Variants in PIWIL2 observed in about 807,000 individuals in gnomAD.
PIWIL2 encodes piwi-like protein 2.
Under a neutral mutation model 116.5 loss-of-function variants are expected in PIWIL2, and 81 were observed. The ratio of observed to expected loss-of-function variants is 0.70; its 90% CI spans 0.58 to 0.84. The LOEUF (loss-of-function observed/expected upper bound fraction) is 0.84. Among genes scored for constraint, PIWIL2 ranks in the 40% least tolerant of loss-of-function variants. The pLI, the probability that PIWIL2 is intolerant of heterozygous loss-of-function variation, is 0.00. For synonymous variants in PIWIL2, 489 were observed against 429.5 expected, an observed-to-expected ratio of 1.14 and a Z score of -1.71; for missense variants, 1,272 against 1,212.3, an observed-to-expected ratio of 1.05 and a Z score of -0.73.
rs542934036 is a variant in PIWIL2 at position 22,355,802 on chromosome 8, G to A, written c.*297G>A. ...CCATTAAGACCTCCAGACCGGGTGC[G>A]GTGGTTCACACCTGTAATCCAAGCA... On this transcript the variant is annotated 3_prime_UTR_variant, in exon 23 of 23. Transcript: ENST00000356766. The A allele has an allele frequency of 3.5e-5, 12 of 344,118 alleles. No individual in the cohort carries two copies. Among genetic ancestry groups the A allele is most frequent in the South Asian group, 6.9e-5 (2 of 29,152 alleles). The allele number at this position is 344,118 out of a possible 1,614,324, so 21.3% of individuals were successfully genotyped here.
chr8:22,309,531 G>C (rs751640335), intron 14 of PIWIL2, among the ~76,000 whole-genome samples: 1 of 151,806 alleles, frequency 6.6e-6, no homozygotes. Context: ...TAGAGACAGG[G>C]TTTCACCATG....
Position 22,347,030 on chromosome 8 carries a change from G to A in PIWIL2, c.2404-5929G>A, listed in dbSNP as rs543928314. Among the ~76,000 whole-genome samples, 274 of 152,066 alleles carry A rather than the reference G, an allele frequency of 1.8e-3. 2 individuals are homozygous for A. The highest frequency in any genetic ancestry group is 2.7e-3 in the Non-Finnish European group (183 of 67,978). On this transcript the variant is annotated intron_variant, in intron 20 of 22. Coordinates refer to ENST00000356766, the MANE Select transcript of PIWIL2 (RefSeq NM_018068.5). The stretch of plus-strand genomic sequence containing the variant: ...ATAAAAAAATTTTTAAGTTAGCTGG[G>A]TATGGTAGTATATGCCTGTAGTCTC...
In PIWIL2 at chr8:22,357,084, G is replaced by T. The variant is rs1832504332; in HGVS notation, c.*1579G>T. 1 of 152,122 alleles carries T rather than the reference G, an allele frequency of 6.6e-6. No homozygotes were observed. The highest frequency in any genetic ancestry group is 6.5e-5 in the Admixed American group (1 of 15,268). 9.4% of individuals were successfully genotyped at this position (152,122 alleles called of 1,614,324 possible). On this transcript the variant is annotated 3_prime_UTR_variant, in exon 23 of 23. Coordinates refer to ENST00000356766, the MANE Select transcript of PIWIL2 (RefSeq NM_018068.5). ...ACTTTAGCTTAAAACTCCGTAAAAT[G>T]TGCTCACTTCAGCAGCACATATACT...
At chr8:22,323,143 CTT>C (rs138180864) in intron 20 of PIWIL2, among the ~76,000 whole-genome samples, 4 of 78,018 alleles carry the variant, frequency 5.1e-5, no homozygotes, top group Admixed American at 2.0e-4. Context: ...TAGTCTTGAT[CTT>C]TTTTTTTTTT....
At chr8:22,300,638 T>C (rs1469326661) in intron 10 of PIWIL2, among the ~76,000 whole-genome samples, 1 of 152,210 alleles carries the variant, frequency 6.6e-6, no homozygotes, top group Non-Finnish European at 1.5e-5. Flanking sequence ...AGAATTCAGA[T>C]TGTTCCACAT....
At chr8:22,318,094 A>C (rs1831507850) in intron 19 of PIWIL2, 76 bp from the exon 20 acceptor site, 4 of 852,362 alleles carry the variant, frequency 4.7e-6, no homozygotes, top group Non-Finnish European at 7.8e-6. Context: ...TGTGTTACTG[A>C]CATAAGCCAT....
chr8:22,332,131 C>G (rs2132080400), intron 20 of PIWIL2, among the ~76,000 whole-genome samples: 1 of 151,990 alleles, frequency 6.6e-6, no homozygotes, highest in East Asian at 1.9e-4. Flanking sequence ...ATGGTGAAAC[C>G]CCATCTCTAC....
intron 20 of PIWIL2, among the ~76,000 whole-genome samples, chr8:22,352,024 A>G (rs537338579): frequency 2.6e-5 from 4 of 152,202 alleles, no homozygotes; most frequent in Non-Finnish European, 5.9e-5. Flanking sequence ...AGCTTGCTGC[A>G]ACCTCCACCC....
At chr8:22,351,525 G>GTT (rs542516480) in intron 20 of PIWIL2, among the ~76,000 whole-genome samples, 1 of 115,548 alleles carries the variant, frequency 8.7e-6, no homozygotes, top group East Asian at 2.7e-4. Flanking sequence ...TTTTTTTGGT[G>GTT]TTTTTTTTTT....
Position 22,354,343 on chromosome 8 carries a change from C to CATGA in PIWIL2, c.2731_2732insTGAA (p.Asn911MetfsTer9). 1 of 1,613,122 alleles carries CATGA rather than the reference C, an allele frequency of 6.2e-7. No individual in the cohort carries two copies. The highest frequency in any genetic ancestry group is 1.7e-4 in the Middle Eastern group (1 of 6,060). ...TTCCTACGCATTATGTCTGTGTTCT[C>CATGA]AACACCGCAAACCTGAGCCCTGATC... On this transcript the variant is annotated frameshift_variant, in exon 22 of 23. Coordinates refer to ENST00000356766, the MANE Select transcript of PIWIL2 (RefSeq NM_018068.5). LOFTEE classifies it high-confidence loss of function.
In PIWIL2 at chr8:22,353,764, C is replaced by CTTTTTTTTTTTTTTTTTTT. The variant is rs760913894; in HGVS notation, c.2658-497_2658-479dup. Among the ~76,000 whole-genome samples, 10 of 68,364 alleles carry CTTTTTTTTTTTTTTTTTTT rather than the reference C, an allele frequency of 1.5e-4. 1 individual carries two copies. Among genetic ancestry groups the CTTTTTTTTTTTTTTTTTTT allele is most frequent in the East Asian group, 1.4e-3 (2 of 1,470 alleles). The allele number at this position is 68,364 out of a possible 152,430, so 44.8% of individuals were successfully genotyped here. On this transcript the variant is annotated intron_variant, in intron 21 of 22. Coordinates refer to ENST00000356766, the MANE Select transcript of PIWIL2 (RefSeq NM_018068.5). ...CAGGAAGATAAGGGAGTTTCTACCACTTTTTTTTTTTTTTTTTTTTTTTTT... is the reference window on the plus strand; with the variant it reads ...CAGGAAGATAAGGGAGTTTCTACCACTTTTTTTTTTTTTTTTTTTTTTTTTTTTTTTTTTTTTTTTTTTT...
intron 20 of PIWIL2, among the ~76,000 whole-genome samples, chr8:22,328,044 T>C (rs1831767801): frequency 6.6e-6 from 1 of 152,192 alleles, no homozygotes; most frequent in African/African-American, 2.4e-5. Context: ...TCATAAAAGC[T>C]TGTCCCCTGT....
chr8:22,338,848 A>G (rs1832040904), intron 20 of PIWIL2, among the ~76,000 whole-genome samples: 1 of 152,212 alleles, frequency 6.6e-6, no homozygotes, highest in Non-Finnish European at 1.5e-5. Flanking sequence ...GTGGATAAGC[A>G]GATACTCAAA....
intron 19 of PIWIL2, 131 bp downstream of exon 19, chr8:22,316,464 C>T: frequency 6.2e-6 from 4 of 649,494 alleles, no homozygotes; most frequent in Non-Finnish European, 7.9e-6. Flanking sequence ...CTTCCTCTAT[C>T]TTCATGTGAA....
Position 22,289,897 on chromosome 8 carries a change from C to G in PIWIL2, c.1037C>G (p.Pro346Arg), listed in dbSNP as rs750524487. Residue 346 changes from proline to arginine, a missense_variant, in exon 9 of 23, where the codon CCT (proline) becomes CGT (arginine). By Grantham distance (103) the Pro-to-Arg change is moderately radical (BLOSUM62 -2). Coordinates refer to ENST00000356766, the MANE Select transcript of PIWIL2 (RefSeq NM_018068.5). ...CTTGTGGGGAGAAACTTTTATGACC[C>G]TACAAGTGCTATGGTACTACAGCAA... ...MKLVGRNFYD[P>R]TSAMVLQQHR... 2 of 1,611,526 alleles carry G rather than the reference C, an allele frequency of 1.2e-6. No individual in the cohort carries two copies. Among genetic ancestry groups the G allele is most frequent in the Non-Finnish European group, 1.7e-6 (2 of 1,177,720 alleles).
chr8:22,318,273 G>A lies in PIWIL2; in HGVS notation c.2401G>A (p.Glu801Lys). Reference sequence around the variant, plus strand: ...CGTGGGCTCCTTAAAAAAGTTTTATGAGGTGAGGAGAACAGAAATTCTCAG... The same window carrying A: ...CGTGGGCTCCTTAAAAAAGTTTTATAAGGTGAGGAGAACAGAAATTCTCAG... ...CLVGSLKKFY[E>K]VNHCLPEKIV... Residue 801 changes from glutamate (E) to lysine (K), a missense_variant and splice_region_variant, in exon 20 of 23, where the codon GAG becomes AAG. By Grantham distance (56) the Glu-to-Lys change is moderately conservative. Coordinates refer to ENST00000356766, the MANE Select transcript of PIWIL2 (RefSeq NM_018068.5). The A allele has an allele frequency of 6.6e-7, 1 of 1,526,692 alleles. No individual in the cohort carries two copies. Among genetic ancestry groups the A allele is most frequent in the Non-Finnish European group, 9.0e-7 (1 of 1,106,376 alleles). 94.6% of individuals were successfully genotyped at this position (1,526,692 alleles called of 1,614,324 possible).
intron 21 of PIWIL2, among the ~76,000 whole-genome samples, chr8:22,353,831 A>G (rs962344175): frequency 7.2e-5 from 9 of 125,038 alleles, no homozygotes; most frequent in African/African-American, 2.4e-4. Flanking sequence ...GTGGAGTGCA[A>G]TGATGTGATC....
At chr8:22,348,937 CCT>C (rs777057861) in intron 20 of PIWIL2, among the ~76,000 whole-genome samples, 1 of 152,102 alleles carries the variant, frequency 6.6e-6, no homozygotes, top group Non-Finnish European at 1.5e-5. Flanking sequence ...CTGTTGGAGG[CCT>C]ACCTAGGGCT....
chr8:22,312,655 T>G (rs868326702), intron 16 of PIWIL2, among the ~76,000 whole-genome samples: 1 of 152,182 alleles, frequency 6.6e-6, no homozygotes, highest in African/African-American at 2.4e-5. Context: ...CTCTCTTTTT[T>G]TAGACACAAA....
Sources: allele counts gnomAD v4.1 joint callset (sites outside exome capture counted in the v4.1 genomes callset), GRCh38; gene constraint gnomAD v4.1.1; transcripts MANE v1.5; gene names NCBI Gene and HGNC (gene_info 2026-07-23, HGNC 2026-07-21).